Variants in MYH10 observed in about 807,000 individuals in gnomAD.
The protein encoded by MYH10 is myosin-10.
Under a neutral mutation model 257.8 loss-of-function variants are expected in MYH10, and 55 were observed. The ratio of observed to expected loss-of-function variants is 0.21; its 90% CI spans 0.17 to 0.27. The LOEUF (loss-of-function observed/expected upper bound fraction) is 0.27, where lower values mean the gene tolerates loss of function less well. Ranked by LOEUF, MYH10 falls within the 10% of genes least tolerant of loss-of-function variation. The probability of loss-of-function intolerance (pLI) is 1.00; values close to 1 mark genes in which losing one functional copy is unlikely to be tolerated. For missense variants in MYH10, 1,631 were observed against 2,500.6 expected (o/e 0.65, Z 7.42); for synonymous variants, 854 against 921.7 (o/e 0.93, Z 1.33).
At chr17:8,539,656 C>T (rs1039732982) in intron 14 of MYH10, among the ~76,000 whole-genome samples, 1 of 152,020 alleles carries the variant, frequency 6.6e-6, no homozygotes, top group Admixed American at 6.6e-5. Context: ...GTGGTGTGAC[C>T]GTATCACTGT....
chr17:8,520,832 A>G, intron 19 of MYH10, 46 bp downstream of exon 19: 1 of 1,545,870 alleles, frequency 6.5e-7, no homozygotes, highest in Non-Finnish European at 8.7e-7. Flanking sequence ...ATTCATATCA[A>G]GATAAACTCT....
chr17:8,521,385 A>G, intron 17 of MYH10, 100 bp from the exon 18 acceptor site: 1 of 1,285,446 alleles, frequency 7.8e-7, no homozygotes. Flanking sequence ...GCTTTGTGGA[A>G]CAAATGACAG....
chr17:8,567,687 A>G (rs2083207214), intron 7 of MYH10, among the ~76,000 whole-genome samples: 1 of 152,236 alleles, frequency 6.6e-6, no homozygotes, highest in African/African-American at 2.4e-5. Flanking sequence ...CATAGGGAGA[A>G]TACAACCATC....
intron 1 of MYH10, among the ~76,000 whole-genome samples, chr17:8,628,140 G>C (rs1207729255): frequency 6.6e-6 from 1 of 152,126 alleles, no homozygotes; most frequent in Admixed American, 6.5e-5. Flanking sequence ...ATATTTTATA[G>C]AAAAAGATAC....
In MYH10 at chr17:8,504,979, G is replaced by A. The variant is rs559644771; in HGVS notation, c.3387-73C>T. On this transcript the variant is annotated intron_variant, in intron 27 of 42. Coordinates refer to ENST00000360416, the MANE Select transcript of MYH10 (RefSeq NM_001256012.3). The surrounding 1 kb of genome is among the most constrained non-coding windows in gnomAD (Gnocchi z 5.6). ...TGGCCTGTTTCTCAGGCGAGCCCCA[G>A]CCCCTGAGCACCTCTCCACGAGACC... The A allele has an allele frequency of 1.8e-4, 236 of 1,289,070 alleles. 6 individuals are homozygous for A. The South Asian group carries it at 2.8e-3, about 15-fold the overall frequency. 79.9% of individuals were successfully genotyped at this position (1,289,070 alleles called of 1,614,324 possible). A position where few individuals can be genotyped will look rare whatever the true frequency, so the allele number is the denominator to read the frequency against.
intron 26 of MYH10, among the ~76,000 whole-genome samples, chr17:8,507,724 C>CA (rs2081118852): frequency 6.6e-6 from 1 of 152,232 alleles, no homozygotes; most frequent in African/African-American, 2.4e-5. Context: ...GTAATCCCAG[C>CA]ACTCTGGGAG....
At position 8,475,688 on chromosome 17, in the gene MYH10, C is replaced by T; in HGVS notation, c.*116G>A. 1.6e-6 allele frequency: 2 copies of T among 1,268,828 alleles called. No homozygotes were observed. Among genetic ancestry groups the T allele is most frequent in the Non-Finnish European group, 2.2e-6 (2 of 904,586 alleles). The allele number at this position is 1,268,828 out of a possible 1,614,324, so 78.6% of individuals were successfully genotyped here. ...ATGCATAGGCTGGAGAGCCTTAAGA[C>T]ACAGTTGATCTTTCAGGAAGGAATC... On this transcript the variant is annotated 3_prime_UTR_variant, in exon 43 of 43. Coordinates refer to ENST00000360416, the MANE Select transcript of MYH10 (RefSeq NM_001256012.3).
chr17:8,571,876 C>CA (rs1215505059), intron 6 of MYH10, among the ~76,000 whole-genome samples: 1 of 151,980 alleles, frequency 6.6e-6, no homozygotes, highest in Non-Finnish European at 1.5e-5. Context: ...CAATATCTTG[C>CA]AAAGCCCTTG....
rs1447368425 is a variant in MYH10, at chr17:8,569,670, T to G, written c.756+50A>C. On this transcript the variant is annotated intron_variant, in intron 7 of 42. Coordinates refer to ENST00000360416, the MANE Select transcript of MYH10 (RefSeq NM_001256012.3). The surrounding 1 kb of genome is among the most constrained non-coding windows in gnomAD (Gnocchi z 4.1). ...TTCATTTGCTTAATCACAGTAAACA[T>G]TTAACTAGAAATCTAAGGAATTAAA... is the stretch of plus-strand genomic sequence containing the variant. 7.5e-7 allele frequency: 1 copy of G among 1,337,420 alleles called. No homozygotes were observed. The highest frequency in any genetic ancestry group is 2.3e-5 in the East Asian group (1 of 42,608). The allele number at this position is 1,337,420 out of a possible 1,614,324, so 82.8% of individuals were successfully genotyped here.
rs562934322 is a variant in MYH10 at position 8,477,862 on chromosome 17, T to G, written c.5706+476A>C. On this transcript the variant is annotated intron_variant, in intron 41 of 42. Transcript: ENST00000360416. The surrounding 1 kb of genome is among the most constrained non-coding windows in gnomAD (Gnocchi z 4.2). ...CCACAGTTCAAAGTCCTGCGGAACATTCCCTGTGTACTTAGAAAAGGGGGC... is the reference window on the plus strand; with the variant it reads ...CCACAGTTCAAAGTCCTGCGGAACAGTCCCTGTGTACTTAGAAAAGGGGGC... Among the ~76,000 whole-genome samples, 1 of 152,248 alleles carries G rather than the reference T, an allele frequency of 6.6e-6. No individual in the cohort carries two copies. Among genetic ancestry groups the G allele is most frequent in the South Asian group, 2.1e-4 (1 of 4,828 alleles).
At chr17:8,508,482 A>G in intron 26 of MYH10, 72 bp downstream of exon 26, 1 of 1,582,114 alleles carries the variant, frequency 6.3e-7, no homozygotes, top group South Asian at 1.1e-5. Context: ...TTATTTTTGC[A>G]TGTTCTGATT....
At chr17:8,476,849 T>G in intron 42 of MYH10, 27 bp downstream of exon 42, 1 of 1,589,194 alleles carries the variant, frequency 6.3e-7, no homozygotes, top group Non-Finnish European at 8.6e-7. Flanking sequence ...CAGCTGCCTG[T>G]CAGCTCGGGG....
At chr17:8,603,038 A>G (rs996682061) in intron 3 of MYH10, among the ~76,000 whole-genome samples, 2 of 152,234 alleles carry the variant, frequency 1.3e-5, no homozygotes, top group African/African-American at 4.8e-5. Flanking sequence ...CACAGAGCCA[A>G]CAATTCTTCC....
At chr17:8,623,719 G>A (rs1196024970) in intron 1 of MYH10, among the ~76,000 whole-genome samples, 1 of 151,994 alleles carries the variant, frequency 6.6e-6, no homozygotes, top group Non-Finnish European at 1.5e-5. Context: ...ATTGTCAGAA[G>A]AGTAAAGAAT....
At chr17:8,476,122 C>T (rs1405365133) in intron 42 of MYH10, among the ~76,000 whole-genome samples, 174 bp from the exon 43 acceptor site, 1 of 152,242 alleles carries the variant, frequency 6.6e-6, no homozygotes, top group Non-Finnish European at 1.5e-5. Context: ...CTGCCTCTCC[C>T]ACAACCCTGC....
chr17:8,604,633 TATC>T (rs564439100), intron 3 of MYH10, among the ~76,000 whole-genome samples, 190 bp downstream of exon 3: 78 of 152,336 alleles, frequency 5.1e-4, no homozygotes, highest in African/African-American at 1.8e-3. Context: ...CAAACATACT[TATC>T]ATACTTACAG....
chr17:8,548,690 G>A lies in MYH10; in HGVS notation c.1017C>T (p.Thr339=). The A allele has an allele frequency of 6.2e-7, 1 of 1,614,016 alleles. No homozygotes were observed. The highest frequency in any genetic ancestry group is 1.3e-5 in the African/African-American group (1 of 75,016). The change falls in exon 10 of 43, where the codon ACC becomes ACT. Residue 339 remains threonine, a synonymous_variant. Coordinates refer to ENST00000360416, the MANE Select transcript of MYH10 (RefSeq NM_001256012.3). ...AGCCCATTATGTGCATTGCTTCCATGGTCTCCTGGAAATTATCTTTGTCTT... is the reference window on the plus strand; with the variant it reads ...AGCCCATTATGTGCATTGCTTCCATAGTCTCCTGGAAATTATCTTTGTCTT... ...GQQDKDNFQE[T]MEAMHIMGFS... is the part of the protein sequence containing the mutation.
chr17:8,577,190 T>G, intron 5 of MYH10, 46 bp downstream of exon 5: 6 of 1,470,832 alleles, frequency 4.1e-6, no homozygotes, highest in Non-Finnish European at 4.7e-6. Flanking sequence ...TTTCTGAAAT[T>G]ATAAAAGAAG....
chr17:8,518,104 CGTGTGT>C (rs58352961), intron 21 of MYH10, among the ~76,000 whole-genome samples: 1,982 of 116,514 alleles, frequency 0.017, 28 homozygotes, highest in East Asian at 0.045. Flanking sequence ...CCCTTGGCCC[CGTGTGT>C]GTGTGTGTGT....
Sources: allele counts gnomAD v4.1 joint callset (sites outside exome capture counted in the v4.1 genomes callset), GRCh38; gene constraint gnomAD v4.1.1; non-coding constraint Gnocchi (gnomAD v3.1); transcripts MANE v1.5; gene names NCBI Gene and HGNC (gene_info 2026-07-23, HGNC 2026-07-21).